The following ATAD3A variants were observed in gnomAD, a reference collection of about 807,000 sequenced individuals.
ATAD3A encodes the protein ATPase family AAA domain-containing protein 3A.
Under a neutral mutation model 73.8 loss-of-function variants are expected in ATAD3A, and 46 were observed. That is an observed-to-expected ratio of 0.62 (90% CI 0.49 to 0.80). ATAD3A has a LOEUF of 0.80. ATAD3A is among the 30% of genes least tolerant of loss of function. The pLI, the probability that ATAD3A is intolerant of heterozygous loss-of-function variation, is 0.00. For synonymous variants in ATAD3A, 319 were observed against 350.0 expected (o/e 0.91, Z 0.99); for missense variants, 705 against 838.0 (o/e 0.84, Z 1.96).
At chr1:1,522,295 C>T (rs541773139) in intron 7 of ATAD3A, among the ~76,000 whole-genome samples, 2 of 152,310 alleles carry the variant, frequency 1.3e-5, no homozygotes, top group Non-Finnish European at 1.5e-5. Flanking sequence ...CCTGCCTCAG[C>T]CTCCCAAAGT....
Position 1,512,193 on chromosome 1 carries a change from G to A in ATAD3A, c.-76G>A. On this transcript the variant is annotated 5_prime_UTR_variant, in exon 1 of 16. Coordinates refer to ENST00000378756, the MANE Select transcript of ATAD3A (RefSeq NM_001170535.3). ...GGTGACCACCGGCTCGCGGCGCGTG[G>A]AGGCTGCTCCCAGCCGCGCGCGAGT... 8.2e-7 allele frequency: 1 copy of A among 1,224,798 alleles called. No individual in the cohort carries two copies. Among genetic ancestry groups the A allele is most frequent in the East Asian group, 3.3e-5 (1 of 30,154 alleles). The allele number at this position is 1,224,798 out of a possible 1,614,324, so 75.9% of individuals were successfully genotyped here. A position where few individuals can be genotyped will look rare whatever the true frequency, so the allele number is the denominator to read the frequency against.
chr1:1,525,319 A>ATGGGGTGG (rs1557472063), intron 12 of ATAD3A, 28 bp downstream of exon 12: 23 of 1,564,386 alleles, frequency 1.5e-5, no homozygotes, highest in Non-Finnish European at 2.0e-5. Context: ...TCTGGCCACA[A>ATGGGGTGG]TGGGGTGGTG....
At chr1:1,530,376 A>C (rs1478567598) in intron 15 of ATAD3A, among the ~76,000 whole-genome samples, 1 of 152,198 alleles carries the variant, frequency 6.6e-6, no homozygotes. Context: ...TCTACAAAAA[A>C]TGAAAAAATT....
At chr1:1,529,931 A>T (rs1203938694) in intron 15 of ATAD3A, among the ~76,000 whole-genome samples, 1 of 152,220 alleles carries the variant, frequency 6.6e-6, no homozygotes, top group East Asian at 1.9e-4. Flanking sequence ...AAGCAAAACC[A>T]GGTTGGTGGG....
Position 1,512,226 on chromosome 1 carries a change from G to T in ATAD3A, c.-43G>T. On this transcript the variant is annotated 5_prime_UTR_variant, in exon 1 of 16. Transcript: ENST00000378756. Reference sequence around the variant, plus strand: ...TCCCAGCCGCGCGCGAGTCAGACTCGGGTGGGGGTCCCGGCGGCGGTAGCG... The same window carrying T: ...TCCCAGCCGCGCGCGAGTCAGACTCTGGTGGGGGTCCCGGCGGCGGTAGCG... The T allele has an allele frequency of 2.4e-6, 3 of 1,267,096 alleles. No homozygotes were observed. Among genetic ancestry groups the T allele is most frequent in the Non-Finnish European group, 3.0e-6 (3 of 1,002,584 alleles). 78.5% of individuals were successfully genotyped at this position (1,267,096 alleles called of 1,614,324 possible). A position where few individuals can be genotyped will look rare whatever the true frequency, so the allele number is the denominator to read the frequency against.
At chr1:1,532,798 T>C (rs6694994) in intron 15 of ATAD3A, among the ~76,000 whole-genome samples, 97,118 of 151,682 alleles carry the variant, frequency 0.64, 34,501 homozygotes, top group East Asian at 1. Flanking sequence ...CCCACAGTGG[T>C]GGTGCGGCTC....
Position 1,523,472 on chromosome 1 carries a change from G to C in ATAD3A, c.907-39G>C. ...CGTTGGTGGCTGTTCCGTGGCTGTG[G>C]CAGGTGACCCGATGGCGCTTCCCCT... On this transcript the variant is annotated intron_variant, in intron 8 of 15. Transcript: ENST00000378756. The surrounding 1 kb of genome is among the most constrained non-coding windows in gnomAD (Gnocchi z 5.1). 6.2e-7 allele frequency: 1 copy of C among 1,603,848 alleles called. No homozygotes were observed. Among genetic ancestry groups the C allele is most frequent in the Non-Finnish European group, 8.5e-7 (1 of 1,175,744 alleles).
rs973316367 is a variant in ATAD3A, at chr1:1,512,217, G to A, written c.-52G>A. The stretch of plus-strand genomic sequence containing the variant: ...GGAGGCTGCTCCCAGCCGCGCGCGA[G>A]TCAGACTCGGGTGGGGGTCCCGGCG... On this transcript the variant is annotated 5_prime_UTR_variant, in exon 1 of 16. Transcript: ENST00000378756. 1,408 of 1,257,162 alleles carry A rather than the reference G, an allele frequency of 1.1e-3. 6 individuals are homozygous for A. The highest frequency in any genetic ancestry group is 6.2e-4 in the Middle Eastern group (2 of 3,204). 77.9% of individuals were successfully genotyped at this position (1,257,162 alleles called of 1,614,324 possible). A position where few individuals can be genotyped will look rare whatever the true frequency, so the allele number is the denominator to read the frequency against.
intron 7 of ATAD3A, among the ~76,000 whole-genome samples, chr1:1,521,149 AT>A (rs1200449524): frequency 6.6e-6 from 1 of 151,530 alleles, no homozygotes; most frequent in African/African-American, 2.4e-5. Context: ...AATACAAAAA[AT>A]TAGCCGGGCG....
intron 12 of ATAD3A, among the ~76,000 whole-genome samples, chr1:1,526,221 A>G (rs1641838249): frequency 4.0e-5 from 6 of 151,476 alleles, no homozygotes; most frequent in African/African-American, 1.2e-4. Context: ...GGGTCTCACC[A>G]TGTTGGCCAG....
chr1:1,517,450 TGCGGGGA>T, intron 3 of ATAD3A, 38 bp downstream of exon 3: 3 of 1,444,204 alleles, frequency 2.1e-6, no homozygotes, highest in Non-Finnish European at 2.8e-6. Context: ...GCCGCCCGGC[TGCGGGGA>T]GCGGCCTGGG....
chr1:1,534,429 G>GT lies in ATAD3A; in HGVS notation c.*358dup. On this transcript the variant is annotated 3_prime_UTR_variant, in exon 16 of 16. Transcript: ENST00000378756. ...CCCCGGGGCAGCAGGAGCCAGGCAG[G>GT]TGATGTCTTTGTTCTCGGCTCCCAC... 7.8e-7 allele frequency: 1 copy of GT among 1,279,238 alleles called. No individual in the cohort carries two copies. Among genetic ancestry groups the GT allele is most frequent in the Non-Finnish European group, 1.0e-6 (1 of 999,132 alleles). 79.2% of individuals were successfully genotyped at this position (1,279,238 alleles called of 1,614,324 possible).
At chr1:1,529,451 G>A (rs1641961668) in intron 15 of ATAD3A, 120 bp downstream of exon 15, 3 of 1,467,238 alleles carry the variant, frequency 2.0e-6, no homozygotes, top group Non-Finnish European at 2.7e-6. Context: ...GGGGTTTTCA[G>A]TGCACAGAGG....
chr1:1,512,606 C>G (rs1439550867), intron 1 of ATAD3A, 133 bp downstream of exon 1: 1 of 1,409,398 alleles, frequency 7.1e-7, no homozygotes, highest in East Asian at 3.7e-5. Context: ...CGGAGCACCC[C>G]CGGCCGGAGC....
chr1:1,518,594 G>A (rs1641462259), intron 4 of ATAD3A, among the ~76,000 whole-genome samples: 1 of 110,314 alleles, frequency 9.1e-6, no homozygotes, highest in African/African-American at 4.0e-5. Context: ...CCCGCACATG[G>A]GCACACACCC....
At chr1:1,522,089 G>C (rs1490605912) in intron 7 of ATAD3A, among the ~76,000 whole-genome samples, 1 of 152,006 alleles carries the variant, frequency 6.6e-6, no homozygotes, top group Non-Finnish European at 1.5e-5. Context: ...GCATAGGCTG[G>C]AGTGTAGTGG....
chr1:1,521,051 T>C (rs992532393), intron 7 of ATAD3A, among the ~76,000 whole-genome samples: 1 of 151,758 alleles, frequency 6.6e-6, no homozygotes, highest in Non-Finnish European at 1.5e-5. Context: ...CCCAGCACTT[T>C]GGGAGGCAGA....
intron 12 of ATAD3A, among the ~76,000 whole-genome samples, chr1:1,525,615 C>T (rs1449469835): frequency 4.7e-4 from 71 of 152,164 alleles, no homozygotes; most frequent in Non-Finnish European, 8.1e-4. Flanking sequence ...GGGGTTTCAC[C>T]GTGTTAGCCA....
In ATAD3A at chr1:1,522,815, C is replaced by A. The variant is rs1641650005; in HGVS notation, c.822C>A (p.Phe274Leu). 1 of 1,611,134 alleles carries A rather than the reference C, an allele frequency of 6.2e-7. No individual in the cohort carries two copies. ...AKNATLVAGR[F>L]IEARLGKPSL... Reference sequence around the variant, plus strand: ...ATGCCACGCTTGTCGCCGGCCGCTTCATCGAGGCTCGGCTGGGGAAGCCGT... The same window carrying A: ...ATGCCACGCTTGTCGCCGGCCGCTTAATCGAGGCTCGGCTGGGGAAGCCGT... The change falls in exon 8 of 16, where the codon TTC becomes TTA. Residue 274 changes from phenylalanine to leucine, a missense_variant. Transcript: ENST00000378756.
Sources: gnomAD v4.1 joint callset for allele counts (sites outside exome capture counted in the v4.1 genomes callset) on GRCh38, gnomAD v4.1.1 for gene constraint, Gnocchi (gnomAD v3.1) non-coding constraint, MANE v1.5 for transcripts, NCBI Gene and HGNC (gene_info 2026-07-23, HGNC 2026-07-21) for gene names.